Variants in GPC6 observed in about 807,000 individuals in gnomAD.
GPC6 encodes the protein glypican 6.
In GPC6, 14 loss-of-function variants were observed where a neutral mutation model predicts 55.2. That is an observed-to-expected ratio of 0.25 (90% CI 0.17 to 0.40). GPC6 has a LOEUF of 0.40. Ranked by LOEUF, GPC6 falls within the 10% of genes least tolerant of loss-of-function variation. The pLI is 1.00. For synonymous variants in GPC6, 278 were observed against 259.6 expected (o/e 1.07, Z -0.68); for missense variants, 641 against 708.5 (o/e 0.90, Z 1.08).
chr13:93,896,521 A>C (rs555018795), intron 3 of GPC6, among the ~76,000 whole-genome samples: 2 of 152,158 alleles, frequency 1.3e-5, no homozygotes, highest in East Asian at 3.9e-4. Context: ...ACTTTCAAAA[A>C]ATTGTTTTTT....
chr13:94,383,978 G>A (rs929959057), intron 7 of GPC6, among the ~76,000 whole-genome samples: 2 of 152,122 alleles, frequency 1.3e-5, no homozygotes, highest in Non-Finnish European at 2.9e-5. Flanking sequence ...AACAGCATGA[G>A]GGAAACCACC....
intron 3 of GPC6, among the ~76,000 whole-genome samples, chr13:94,016,634 T>A (rs1204718439): frequency 6.6e-6 from 1 of 152,200 alleles, no homozygotes; most frequent in Admixed American, 6.5e-5. Context: ...TGAAAGAGAT[T>A]GCGGTGAATC....
chr13:93,515,569 G>A (rs1349249761), intron 1 of GPC6, among the ~76,000 whole-genome samples: 1 of 152,106 alleles, frequency 6.6e-6, no homozygotes, highest in African/African-American at 2.4e-5. Context: ...TTCTTCAATT[G>A]CAAATGATGG....
At chr13:93,314,475 C>T (rs1399089312) in intron 1 of GPC6, among the ~76,000 whole-genome samples, 1 of 152,128 alleles carries the variant, frequency 6.6e-6, no homozygotes. Context: ...CTTATACTCC[C>T]CACATGGTAT....
At chr13:93,372,544 A>T (rs2139193155) in intron 1 of GPC6, among the ~76,000 whole-genome samples, 1 of 152,312 alleles carries the variant, frequency 6.6e-6, no homozygotes, top group South Asian at 2.1e-4. Flanking sequence ...TGGGGTAGAT[A>T]CTATTTTAGA....
At position 93,721,253 on chromosome 13, in the gene GPC6, T is replaced by C. The variant is rs146732083; in HGVS notation, c.320-108901T>C. Among the ~76,000 whole-genome samples the C allele has an allele frequency of 5.2e-3, 788 of 151,968 alleles. 11 individuals are homozygous for C. The highest frequency in any genetic ancestry group is 0.034 in the Admixed American group (519 of 15,214). On this transcript the variant is annotated intron_variant, in intron 2 of 8. Transcript: ENST00000377047. ...TTTATGAATCTGGGTGCTCCTGTAT[T>C]GGGTGGATAGTTAGCTCTTCTTGTT...
intron 2 of GPC6, among the ~76,000 whole-genome samples, chr13:93,620,896 A>T (rs1275603238): frequency 6.6e-6 from 1 of 151,962 alleles, no homozygotes; most frequent in African/African-American, 2.4e-5. Context: ...ACCTATTTAG[A>T]TGAGTTAGTA....
chr13:93,830,905 C>A (rs1036570238), intron 3 of GPC6: 5 of 230,706 alleles, frequency 2.2e-5, no homozygotes, highest in African/African-American at 1.2e-4. Context: ...TGAAAGAATC[C>A]ATTCAGAGGT....
At chr13:94,394,078 C>T (rs1266486132) in intron 7 of GPC6, among the ~76,000 whole-genome samples, 1 of 152,214 alleles carries the variant, frequency 6.6e-6, no homozygotes, top group African/African-American at 2.4e-5. Context: ...TTCCATAGGA[C>T]TCTTCTACCC....
At chr13:93,871,276 TA>T (rs1476138000) in intron 3 of GPC6, among the ~76,000 whole-genome samples, 1 of 151,972 alleles carries the variant, frequency 6.6e-6, no homozygotes, top group African/African-American at 2.4e-5. Flanking sequence ...GTGGGGTGAC[TA>T]ACACCTGTCT....
chr13:94,355,403 C>G (rs1878747953), intron 6 of GPC6, among the ~76,000 whole-genome samples: 1 of 152,132 alleles, frequency 6.6e-6, no homozygotes, highest in African/African-American at 2.4e-5. Flanking sequence ...CAACCAAGGC[C>G]AAGTGTCAGT....
intron 3 of GPC6, among the ~76,000 whole-genome samples, chr13:93,998,680 C>A (rs563428948): frequency 6.6e-6 from 1 of 151,724 alleles, no homozygotes; most frequent in African/African-American, 2.4e-5. Context: ...AAAACTCTAA[C>A]TTATAAGATT....
chr13:93,784,468 C>G (rs948753312), intron 2 of GPC6, among the ~76,000 whole-genome samples: 1 of 152,114 alleles, frequency 6.6e-6, no homozygotes, highest in Non-Finnish European at 1.5e-5. Flanking sequence ...TTTCCAAACC[C>G]CTTCCTCAAA....
chr13:93,288,002 T>G (rs1157527885), intron 1 of GPC6, among the ~76,000 whole-genome samples: 4 of 152,220 alleles, frequency 2.6e-5, no homozygotes, highest in African/African-American at 4.8e-5. Context: ...AAACTGTTTT[T>G]AAGCTTCATC....
At position 93,711,394 on chromosome 13, in the gene GPC6, C is replaced by G. The variant is rs186531475; in HGVS notation, c.320-118760C>G. Among the ~76,000 whole-genome samples, 189 of 151,734 alleles carry G rather than the reference C, an allele frequency of 1.2e-3. 1 individual carries two copies. Among genetic ancestry groups the G allele is most frequent in the Non-Finnish European group, 1.2e-3 (84 of 67,770 alleles). On this transcript the variant is annotated intron_variant, in intron 2 of 8. Transcript: ENST00000377047. The stretch of plus-strand genomic sequence containing the variant: ...ATCATGAGAACAGCACAGCAAGAAC[C>G]CGCCCCCAAGATTGAATGACCTCCT...
chr13:93,535,567 A>T (rs1310682000), intron 1 of GPC6, among the ~76,000 whole-genome samples: 1 of 152,004 alleles, frequency 6.6e-6, no homozygotes, highest in Non-Finnish European at 1.5e-5. Flanking sequence ...GAATTGCATT[A>T]AACTCTCACA....
At chr13:93,309,232 T>A (rs1878979163) in intron 1 of GPC6, among the ~76,000 whole-genome samples, 1 of 152,144 alleles carries the variant, frequency 6.6e-6, no homozygotes, top group South Asian at 2.1e-4. Context: ...TATAACAAAT[T>A]GTGACTTTTT....
chr13:93,461,427 A>C (rs1270968849), intron 1 of GPC6, among the ~76,000 whole-genome samples: 1 of 152,180 alleles, frequency 6.6e-6, no homozygotes, highest in Non-Finnish European at 1.5e-5. Flanking sequence ...TTACAAGTAA[A>C]GTATTATTCT....
intron 6 of GPC6, among the ~76,000 whole-genome samples, chr13:94,312,954 A>T (rs1886933): frequency 6.6e-6 from 1 of 151,978 alleles, no homozygotes; most frequent in Non-Finnish European, 1.5e-5. Context: ...GTTGTGAACG[A>T]CCCGGTCTTG....
Sources: gnomAD v4.1 joint callset for allele counts (sites outside exome capture counted in the v4.1 genomes callset) on GRCh38, gnomAD v4.1.1 for gene constraint, MANE v1.5 for transcripts, NCBI Gene and HGNC (gene_info 2026-07-23, HGNC 2026-07-21) for gene names.